Variants in NAV2 observed in about 807,000 individuals in gnomAD.
The protein encoded by NAV2 is neuron navigator 2, also known as helicase, APC down-regulated 1.
A neutral mutation model predicts 223.2 loss-of-function variants in NAV2; 54 were observed. The observed-to-expected ratio is 0.24, with a 90% CI of 0.19 to 0.30. The LOEUF is 0.30. Ranked by LOEUF, NAV2 falls within the 10% of genes least tolerant of loss-of-function variation. The pLI, the probability that NAV2 is intolerant of heterozygous loss-of-function variation, is 1.00. For synonymous variants in NAV2, 1,279 were observed against 1,239.3 expected, an observed-to-expected ratio of 1.03 and a Z score of -0.67; for missense variants, 2,806 against 3,147.5, an observed-to-expected ratio of 0.89 and a Z score of 2.60.
At chr11:19,736,481 C>T (rs1358456454) in intron 1 of NAV2, among the ~76,000 whole-genome samples, 1 of 152,152 alleles carries the variant, frequency 6.6e-6, no homozygotes, top group South Asian at 2.1e-4. Flanking sequence ...GGTAAGGACT[C>T]TTACAAAGTC....
intron 4 of NAV2, among the ~76,000 whole-genome samples, chr11:19,873,705 C>T (rs1214085891): frequency 6.6e-6 from 1 of 152,112 alleles, no homozygotes; most frequent in Non-Finnish European, 1.5e-5. Context: ...CCATTTCCTC[C>T]TACCTATATT....
At chr11:19,682,969 G>A (rs1051272225) in intron 1 of NAV2, among the ~76,000 whole-genome samples, 2 of 152,206 alleles carry the variant, frequency 1.3e-5, no homozygotes, top group Non-Finnish European at 2.9e-5. Flanking sequence ...TTCCAAGGTT[G>A]CAGAACTAGG....
At chr11:19,891,990 A>C (rs1256450232) in intron 5 of NAV2, among the ~76,000 whole-genome samples, 3 of 152,010 alleles carry the variant, frequency 2.0e-5, no homozygotes, top group African/African-American at 4.8e-5. Flanking sequence ...TCAGGGTCCC[A>C]CTCTGTCACC....
intron 1 of NAV2, among the ~76,000 whole-genome samples, chr11:19,807,139 G>A (rs2058612874): frequency 6.6e-6 from 1 of 152,334 alleles, no homozygotes; most frequent in South Asian, 2.1e-4. Context: ...TGCCATGGGG[G>A]TAAATGCGTT....
chr11:19,499,362 C>T (rs1428061836), intron 1 of NAV2, among the ~76,000 whole-genome samples: 2 of 152,196 alleles, frequency 1.3e-5, no homozygotes, highest in Non-Finnish European at 2.9e-5. Context: ...ATCTCTTAAC[C>T]ATGCTGACCC....
chr11:19,410,567 G>T (rs1276445406), intron 1 of NAV2, among the ~76,000 whole-genome samples: 1 of 152,126 alleles, frequency 6.6e-6, no homozygotes, highest in Non-Finnish European at 1.5e-5. Context: ...TGTACTCCTG[G>T]CCACTACATT....
At chr11:19,607,633 C>T (rs1009443121) in intron 1 of NAV2, among the ~76,000 whole-genome samples, 1 of 152,184 alleles carries the variant, frequency 6.6e-6, no homozygotes, top group Non-Finnish European at 1.5e-5. Flanking sequence ...CAGCTCTTTT[C>T]CTTGTCAGTC....
intron 1 of NAV2, among the ~76,000 whole-genome samples, chr11:19,550,408 G>A (rs1481286958): frequency 6.6e-6 from 1 of 152,164 alleles, no homozygotes; most frequent in East Asian, 1.9e-4. Context: ...GAAACTTCAC[G>A]AAATCTCCCC....
At chr11:19,815,091 T>C (rs1250960567) in intron 1 of NAV2, among the ~76,000 whole-genome samples, 1 of 152,162 alleles carries the variant, frequency 6.6e-6, no homozygotes, top group Admixed American at 6.5e-5. Context: ...GCCCTTTATG[T>C]ACAAAGATAA....
chr11:19,532,739 TTAG>T (rs1250639965), intron 1 of NAV2, among the ~76,000 whole-genome samples: 1 of 152,162 alleles, frequency 6.6e-6, no homozygotes, highest in Non-Finnish European at 1.5e-5. Context: ...TGAGCTAAAC[TTAG>T]TAGCATGTGG....
intron 6 of NAV2, among the ~76,000 whole-genome samples, chr11:19,896,578 T>C (rs914854100): frequency 6.6e-6 from 1 of 152,202 alleles, no homozygotes; most frequent in Admixed American, 6.5e-5. Context: ...AATGGGCATA[T>C]TTCACTTAGC....
At chr11:19,698,817 T>G (rs1565176934) in intron 1 of NAV2, among the ~76,000 whole-genome samples, 1 of 149,870 alleles carries the variant, frequency 6.7e-6, no homozygotes, top group African/African-American at 2.5e-5. Flanking sequence ...TGTGTGCATG[T>G]GAGAGAGAGA....
At chr11:19,539,607 T>C (rs973227100) in intron 1 of NAV2, among the ~76,000 whole-genome samples, 3 of 152,154 alleles carry the variant, frequency 2.0e-5, no homozygotes, top group Non-Finnish European at 4.4e-5. Flanking sequence ...AGTCCAAATG[T>C]TTTTCAACAT....
At chr11:19,698,341 T>C (rs2049408148) in intron 1 of NAV2, among the ~76,000 whole-genome samples, 5 of 152,216 alleles carry the variant, frequency 3.3e-5, no homozygotes, top group Admixed American at 3.3e-4. Flanking sequence ...CCTCAGTAAA[T>C]GGCAGCTGTT....
chr11:19,397,115 C>A (rs1332098233), intron 1 of NAV2, among the ~76,000 whole-genome samples: 1 of 152,002 alleles, frequency 6.6e-6, no homozygotes, highest in South Asian at 2.1e-4. Flanking sequence ...TTGGCATGGC[C>A]GGGAGAAAAC....
At chr11:19,892,621 T>G (rs1367387347) in intron 6 of NAV2, 27 bp downstream of exon 6, 1 of 1,609,740 alleles carries the variant, frequency 6.2e-7, no homozygotes, top group African/African-American at 1.3e-5. Flanking sequence ...AGGAGCCTTT[T>G]TGGTATTTTC....
chr11:19,893,142 ATT>A (rs5790098), intron 6 of NAV2, among the ~76,000 whole-genome samples: 45,884 of 146,742 alleles, frequency 0.31, 6,951 homozygotes, highest in South Asian at 0.43. Context: ...AAGGATATGG[ATT>A]TTTTTTTTTT....
intron 1 of NAV2, among the ~76,000 whole-genome samples, chr11:19,392,144 A>G (rs1365826420): frequency 6.6e-6 from 1 of 152,184 alleles, no homozygotes; most frequent in East Asian, 1.9e-4. Flanking sequence ...AGTATGGAAT[A>G]GTGGGTATGG....
chr11:19,989,539 T>C (rs915075650), intron 11 of NAV2, among the ~76,000 whole-genome samples: 1 of 152,196 alleles, frequency 6.6e-6, no homozygotes, highest in African/African-American at 2.4e-5. Flanking sequence ...ACTAAGTTTA[T>C]ATTAACTTGT....
Sources: allele counts gnomAD v4.1 joint callset (sites outside exome capture counted in the v4.1 genomes callset), GRCh38; gene constraint gnomAD v4.1.1; transcripts MANE v1.5; gene names NCBI Gene and HGNC (gene_info 2026-07-23, HGNC 2026-07-21).